PPP2R3A: variants seen among roughly 807,000 people sequenced by gnomAD.
PPP2R3A encodes the protein protein phosphatase 2 regulatory subunit B''alpha.
In PPP2R3A, 80 loss-of-function variants were observed where a neutral mutation model predicts 106.9. The ratio of observed to expected loss-of-function variants is 0.75; its 90% CI spans 0.62 to 0.90. PPP2R3A has a LOEUF of 0.90. Among genes scored for constraint, PPP2R3A ranks in the 40% least tolerant of loss-of-function variants. The pLI is 0.00. For synonymous variants in PPP2R3A, 483 were observed against 468.3 expected (o/e 1.03, Z -0.41); for missense variants, 1,386 against 1,350.4 (o/e 1.03, Z -0.41).
At chr3:135,966,394 G>T (rs1026469180) in intron 1 of PPP2R3A, among the ~76,000 whole-genome samples, 8 of 152,268 alleles carry the variant, frequency 5.3e-5, no homozygotes, top group African/African-American at 1.9e-4. Context: ...TTCCCGGCCC[G>T]CCAGGAGCCG....
intron 2 of PPP2R3A, among the ~76,000 whole-genome samples, chr3:136,011,294 C>G (rs1339472495): frequency 6.6e-6 from 1 of 152,074 alleles, no homozygotes; most frequent in Non-Finnish European, 1.5e-5. Context: ...CCACTGACTC[C>G]TACCACTAGA....
intron 2 of PPP2R3A, among the ~76,000 whole-genome samples, chr3:136,006,731 ATCT>A (rs1365362263): frequency 6.6e-6 from 1 of 152,208 alleles, no homozygotes; most frequent in Non-Finnish European, 1.5e-5. Context: ...TTTGCTTCAA[ATCT>A]TCTCCAAATA....
intron 13 of PPP2R3A, among the ~76,000 whole-genome samples, chr3:136,114,062 T>C (rs2107987774): frequency 6.6e-6 from 1 of 152,228 alleles, no homozygotes; most frequent in African/African-American, 2.4e-5. Flanking sequence ...CCCGCTGAGG[T>C]ACCCAGTTCA....
intron 8 of PPP2R3A, among the ~76,000 whole-genome samples, chr3:136,083,035 GA>G (rs955400215): frequency 2.0e-5 from 3 of 152,010 alleles, no homozygotes; most frequent in Non-Finnish European, 2.9e-5. Flanking sequence ...GTTTTTTTGA[GA>G]CAGCGTCTCA....
chr3:136,098,215 C>G (rs1473047564), intron 10 of PPP2R3A, among the ~76,000 whole-genome samples: 1 of 152,180 alleles, frequency 6.6e-6, no homozygotes, highest in East Asian at 1.9e-4. Flanking sequence ...AGTCTGGAGG[C>G]TGAGGCAAGA....
rs151003444 is a variant in PPP2R3A at position 136,005,913 on chromosome 3, G to A, written c.1995+2420G>A. ...TAACCAGAAACTCTCACTGTGATAC[G>A]GTGTTTTGAATTTTACTCAACCCTC... On this transcript the variant is annotated intron_variant, in intron 2 of 13. Transcript: ENST00000264977. Among the ~76,000 whole-genome samples the A allele has an allele frequency of 2.4e-4, 36 of 152,160 alleles. No individual in the cohort carries two copies. In the East Asian group the frequency reaches 6.9e-3, roughly 29 times the overall value.
At chr3:136,083,173 C>T (rs1318760093) in intron 8 of PPP2R3A, among the ~76,000 whole-genome samples, 1 of 152,146 alleles carries the variant, frequency 6.6e-6, no homozygotes, top group Non-Finnish European at 1.5e-5. Context: ...GCCACCATAC[C>T]TGGCTAATTT....
At chr3:136,006,059 G>A (rs1243865399) in intron 2 of PPP2R3A, among the ~76,000 whole-genome samples, 1 of 152,124 alleles carries the variant, frequency 6.6e-6, no homozygotes, top group Non-Finnish European at 1.5e-5. Context: ...CTCATGAGTG[G>A]GTTCCCCGTG....
At chr3:136,131,231 C>A (rs1203179118) in intron 13 of PPP2R3A, among the ~76,000 whole-genome samples, 2 of 152,126 alleles carry the variant, frequency 1.3e-5, no homozygotes, top group African/African-American at 4.8e-5. Context: ...GAACAGGCAA[C>A]CTACAGAATG....
At chr3:136,054,906 G>A (rs72983474) in intron 5 of PPP2R3A, among the ~76,000 whole-genome samples, 1,576 of 152,154 alleles carry the variant, frequency 0.01, 25 homozygotes, top group African/African-American at 0.037. Context: ...TATATAATTC[G>A]GTTGTAGGGA....
At chr3:136,022,723 A>G (rs2177407) in intron 2 of PPP2R3A, 297,803 of 1,046,570 alleles carry the variant, frequency 0.28, 44,146 homozygotes, top group African/African-American at 0.48. Flanking sequence ...TACACAGAGT[A>G]GTGGGTGCTC....
chr3:136,011,200 A>AT (rs1934059317), intron 2 of PPP2R3A, among the ~76,000 whole-genome samples: 1 of 151,850 alleles, frequency 6.6e-6, no homozygotes, highest in Non-Finnish European at 1.5e-5. Flanking sequence ...AATCTTTGGC[A>AT]TTCCCTTTCC....
rs1553762456 is a variant in PPP2R3A, at chr3:136,147,079, T to TAC, written c.*1914_*1915insCA. On this transcript the variant is annotated 3_prime_UTR_variant, in exon 14 of 14. Coordinates refer to ENST00000264977, the MANE Select transcript of PPP2R3A (RefSeq NM_002718.5). ...CTTTGATCTGGTTTTTGAAGTCTCT[T>TAC]AATTATTGGCTGGGCATGGTGACTC... is the stretch of plus-strand genomic sequence containing the variant. 6.6e-6 allele frequency: 1 copy of TAC among 152,166 alleles called. No individual in the cohort carries two copies. Among genetic ancestry groups the TAC allele is most frequent in the African/African-American group, 2.4e-5 (1 of 41,456 alleles). 9.4% of individuals were successfully genotyped at this position (152,166 alleles called of 1,614,324 possible).
chr3:136,047,219 G>A (rs1481228371), intron 4 of PPP2R3A, among the ~76,000 whole-genome samples: 2 of 152,194 alleles, frequency 1.3e-5, no homozygotes, highest in East Asian at 3.9e-4. Context: ...GGACATGGCT[G>A]AACTCCATGG....
At chr3:136,019,827 A>G (rs995217900) in intron 2 of PPP2R3A, among the ~76,000 whole-genome samples, 3 of 152,204 alleles carry the variant, frequency 2.0e-5, no homozygotes, top group African/African-American at 7.2e-5. Context: ...TGATATATCA[A>G]AACTTACCAA....
intron 5 of PPP2R3A, among the ~76,000 whole-genome samples, chr3:136,065,520 A>G (rs926619435): frequency 2.0e-5 from 3 of 152,164 alleles, no homozygotes; most frequent in Non-Finnish European, 2.9e-5. Flanking sequence ...AGCCTTATGT[A>G]CCCCTCACCT....
At chr3:136,010,227 C>T (rs1934001935) in intron 2 of PPP2R3A, among the ~76,000 whole-genome samples, 1 of 151,364 alleles carries the variant, frequency 6.6e-6, no homozygotes, top group Non-Finnish European at 1.5e-5. Flanking sequence ...CATGAACCAT[C>T]CAAGCTCCTG....
intron 4 of PPP2R3A, among the ~76,000 whole-genome samples, chr3:136,046,039 T>C (rs1380842806): frequency 1.3e-5 from 2 of 151,690 alleles, no homozygotes; most frequent in African/African-American, 4.9e-5. Flanking sequence ...TAGCCAGGCA[T>C]GATGGTATGA....
chr3:136,106,975 A>G (rs1937529801), intron 13 of PPP2R3A: 1 of 151,710 alleles, frequency 6.6e-6, no homozygotes, highest in Non-Finnish European at 1.5e-5. Flanking sequence ...TTCAATAATA[A>G]TAAAGATGAT....
Sources: gnomAD v4.1 joint callset for allele counts (sites outside exome capture counted in the v4.1 genomes callset) on GRCh38, gnomAD v4.1.1 for gene constraint, MANE v1.5 for transcripts, NCBI Gene and HGNC (gene_info 2026-07-23, HGNC 2026-07-21) for gene names.